The following MRPS28 variants were observed in gnomAD, a reference collection of about 807,000 sequenced individuals.
MRPS28 encodes the protein mitochondrial ribosomal protein S28, also known as small ribosomal subunit protein bS1m.
MRPS28 carries 7 observed loss-of-function variants against 10.8 expected under a neutral mutation model. The observed-to-expected ratio is 0.65, with a 90% CI of 0.37 to 1.22. The LOEUF (loss-of-function observed/expected upper bound fraction) is 1.22, where lower values mean the gene tolerates loss of function less well. Ranked by LOEUF, MRPS28 falls within the 50% of genes most tolerant of loss-of-function variation. MRPS28 has a pLI of 0.02. For missense variants in MRPS28, 265 were observed against 232.9 expected (o/e 1.14, Z -0.90); for synonymous variants, 121 against 93.3 (o/e 1.30, Z -1.71).
intron 1 of MRPS28, among the ~76,000 whole-genome samples, chr8:80,022,891 CTTGGGAAGTCATGAGTCTGA>C (rs1809404902): frequency 6.6e-6 from 1 of 152,126 alleles, no homozygotes; most frequent in African/African-American, 2.4e-5. Flanking sequence ...CTAAGGTTGG[CTTGGGAAGTCATGAGTCTGA>C]TTGGGTATAA....
intron 2 of MRPS28, among the ~76,000 whole-genome samples, chr8:79,961,079 AC>A (rs1174684080): frequency 6.6e-6 from 1 of 152,092 alleles, no homozygotes; most frequent in Non-Finnish European, 1.5e-5. Flanking sequence ...ACTCTGTTTA[AC>A]TACTATATCC....
intron 2 of MRPS28, among the ~76,000 whole-genome samples, chr8:79,977,815 AAATAATAAT>A (rs147911236): frequency 6.6e-6 from 1 of 150,580 alleles, no homozygotes; most frequent in African/African-American, 2.4e-5. Flanking sequence ...AGACTGTCTC[AAATAATAAT>A]AATAATAATA....
intron 2 of MRPS28, among the ~76,000 whole-genome samples, chr8:79,950,040 C>G (rs964809766): frequency 6.6e-6 from 1 of 152,004 alleles, no homozygotes; most frequent in African/African-American, 2.4e-5. Context: ...AAGAAAAACA[C>G]ATGAAAATAT....
At chr8:79,989,021 A>G (rs1808277505) in intron 2 of MRPS28, among the ~76,000 whole-genome samples, 2 of 152,226 alleles carry the variant, frequency 1.3e-5, no homozygotes, top group South Asian at 4.1e-4. Context: ...AATATTATTG[A>G]ATAATACAAA....
chr8:79,994,708 A>G (rs751981484), intron 2 of MRPS28, among the ~76,000 whole-genome samples: 6 of 152,152 alleles, frequency 3.9e-5, no homozygotes, highest in Non-Finnish European at 8.8e-5. Context: ...TGAAACACAA[A>G]GTTGACCCAC....
intron 1 of MRPS28, among the ~76,000 whole-genome samples, chr8:80,021,779 A>G (rs564873545): frequency 7.4e-4 from 113 of 152,354 alleles, no homozygotes; most frequent in African/African-American, 2.6e-3. Flanking sequence ...CCCTTTAAAA[A>G]AAATTAACTT....
Position 80,026,745 on chromosome 8 carries a change from T to TA in MRPS28, c.213+3290dup, listed in dbSNP as rs1336716521. Among the ~76,000 whole-genome samples the TA allele has an allele frequency of 3.3e-5, 5 of 152,128 alleles. No homozygotes were observed. In the East Asian group the frequency reaches 5.8e-4, roughly 18 times the overall value. On this transcript the variant is annotated intron_variant, in intron 1 of 2. Transcript: ENST00000276585. ...TGACGAATGTCCTTACATTTGGGAT[T>TA]AAAAAAAATGGCATGTGCATGGTTG...
chr8:79,986,205 G>C (rs1306901189), intron 2 of MRPS28, among the ~76,000 whole-genome samples: 2 of 152,134 alleles, frequency 1.3e-5, no homozygotes, highest in Admixed American at 1.3e-4. Context: ...ATGCAGAAAA[G>C]GCCTTTGACA....
At chr8:79,953,387 G>A (rs1335369551) in intron 2 of MRPS28, among the ~76,000 whole-genome samples, 11 of 152,148 alleles carry the variant, frequency 7.2e-5, no homozygotes, top group Non-Finnish European at 1.5e-4. Flanking sequence ...CAAAGACATG[G>A]TACAGAATAG....
intron 2 of MRPS28, among the ~76,000 whole-genome samples, chr8:79,963,870 G>A (rs988621152): frequency 6.6e-6 from 1 of 152,018 alleles, no homozygotes; most frequent in Non-Finnish European, 1.5e-5. Context: ...GCACATGACA[G>A]GTCAAGTGAG....
intron 2 of MRPS28, among the ~76,000 whole-genome samples, chr8:79,963,582 C>T (rs774461296): frequency 6.6e-6 from 1 of 152,104 alleles, no homozygotes; most frequent in Non-Finnish European, 1.5e-5. Flanking sequence ...CAGGCACAGA[C>T]TTAGGTCAAT....
chr8:79,950,557 TAC>T (rs749360327), intron 2 of MRPS28, among the ~76,000 whole-genome samples: 3 of 151,806 alleles, frequency 2.0e-5, no homozygotes, highest in Non-Finnish European at 2.9e-5. Context: ...CACACACATA[TAC>T]ACACACACAC....
intron 1 of MRPS28, among the ~76,000 whole-genome samples, chr8:80,025,492 T>C (rs1450624487): frequency 1.3e-5 from 2 of 152,156 alleles, no homozygotes; most frequent in Non-Finnish European, 1.5e-5. Flanking sequence ...AACACTGTGT[T>C]AGAAAACAAA....
intron 2 of MRPS28, among the ~76,000 whole-genome samples, chr8:79,943,567 T>C (rs1173197011): frequency 1.3e-5 from 2 of 152,228 alleles, no homozygotes; most frequent in Non-Finnish European, 2.9e-5. Context: ...ACTGTTATAA[T>C]GTTTTCATAT....
intron 2 of MRPS28, among the ~76,000 whole-genome samples, chr8:79,967,426 C>G (rs1217054540): frequency 6.6e-6 from 1 of 152,166 alleles, no homozygotes; most frequent in Non-Finnish European, 1.5e-5. Flanking sequence ...TTCCAGGGGA[C>G]TTGGATTGGT....
intron 2 of MRPS28, among the ~76,000 whole-genome samples, chr8:79,986,945 CAA>C (rs752827270): frequency 1.6e-4 from 24 of 152,038 alleles, no homozygotes; most frequent in Non-Finnish European, 3.2e-4. Context: ...CATATGGAAC[CAA>C]AAAAGAGCCC....
intron 2 of MRPS28, among the ~76,000 whole-genome samples, chr8:79,988,683 C>T (rs1053705874): frequency 2.0e-5 from 3 of 152,056 alleles, no homozygotes; most frequent in Non-Finnish European, 4.4e-5. Context: ...TATTATAGTG[C>T]TGTGATTTTT....
Position 79,932,110 on chromosome 8 carries a change from AGGCCCATCT to A in MRPS28, c.396-12971_396-12963del, listed in dbSNP as rs1052347009. ...TCATTTACTCAAAAATGTTTTTTAG[AGGCCCATCT>A]GTGGAAGATACTGCTCTAGATGCTG... On this transcript the variant is annotated intron_variant, in intron 2 of 2. Transcript: ENST00000276585. Among the ~76,000 whole-genome samples the A allele has an allele frequency of 3.9e-5, 6 of 152,308 alleles. 1 individual carries two copies. Among genetic ancestry groups the A allele is most frequent in the Admixed American group, 6.5e-5 (1 of 15,286 alleles).
rs368960743 is a variant in MRPS28 at position 79,961,470 on chromosome 8, C to T, written c.395+41529G>A. 2.7e-3 allele frequency among the ~76,000 whole-genome samples: 409 copies of T among 152,212 alleles called. 2 individuals carry two copies. The highest frequency in any genetic ancestry group is 9.5e-3 in the African/African-American group (395 of 41,554). On this transcript the variant is annotated intron_variant, in intron 2 of 2. Transcript: ENST00000276585. The stretch of plus-strand genomic sequence containing the variant: ...CCCAAATGCCAAATTCATTTTATCC[C>T]AATAACTTTTCTCCATTCTTCTCAT...
Sources: gnomAD v4.1 joint callset for allele counts (sites outside exome capture counted in the v4.1 genomes callset) on GRCh38, gnomAD v4.1.1 for gene constraint, MANE v1.5 for transcripts, NCBI Gene and HGNC (gene_info 2026-07-23, HGNC 2026-07-21) for gene names.